Variants in SLC4A8 observed in about 807,000 individuals in gnomAD.
The protein encoded by SLC4A8 is solute carrier family 4 member 8, also known as electroneutral sodium bicarbonate exchanger 1.
A neutral mutation model predicts 125.0 loss-of-function variants in SLC4A8; 40 were observed. The ratio of observed to expected loss-of-function variants is 0.32; its 90% CI spans 0.25 to 0.42. The LOEUF (loss-of-function observed/expected upper bound fraction) is 0.42, where lower values mean the gene tolerates loss of function less well. SLC4A8 is among the 10% of genes least tolerant of loss of function. SLC4A8 has a pLI of 1.00. For synonymous variants in SLC4A8, 456 were observed against 476.0 expected, an observed-to-expected ratio of 0.96 and a Z score of 0.55; for missense variants, 863 against 1,355.1, an observed-to-expected ratio of 0.64 and a Z score of 5.70.
At chr12:51,478,209 A>G (rs919593886) in intron 16 of SLC4A8, among the ~76,000 whole-genome samples, 6 of 150,954 alleles carry the variant, frequency 4.0e-5, no homozygotes, top group Non-Finnish European at 1.5e-5. Flanking sequence ...TGAGAGGCGG[A>G]GGTTGCAGTG....
At chr12:51,432,134 C>T (rs914180045) in intron 1 of SLC4A8, among the ~76,000 whole-genome samples, 55 of 152,054 alleles carry the variant, frequency 3.6e-4, no homozygotes, top group African/African-American at 1.2e-3. Flanking sequence ...ATGGGCCAGG[C>T]GCGGTGGCTC....
chr12:51,500,725 C>T (rs1188578604), intron 22 of SLC4A8, among the ~76,000 whole-genome samples: 2 of 151,434 alleles, frequency 1.3e-5, no homozygotes, highest in Admixed American at 6.6e-5. Context: ...CTCGCTCTTT[C>T]GCCCAGGCTG....
At position 51,463,599 on chromosome 12, in the gene SLC4A8, GTCT is replaced by G. The variant is rs1361835647; in HGVS notation, c.1249-11_1249-9del. The stretch of plus-strand genomic sequence containing the variant: ...AGATGTTACCTTTACTAATTTTGTG[GTCT>G]TCTGTTAAAAGGAGAAAAGGAAAAT... On this transcript the variant is annotated splice_polypyrimidine_tract_variant and intron_variant, in intron 10 of 24. Coordinates refer to ENST00000453097, the MANE Select transcript of SLC4A8 (RefSeq NM_001039960.3). 3.8e-6 allele frequency: 6 copies of G among 1,587,414 alleles called. No homozygotes were observed. The highest frequency in any genetic ancestry group is 5.2e-6 in the Non-Finnish European group (6 of 1,155,876).
chr12:51,499,298 A>G (rs947662422), intron 22 of SLC4A8, among the ~76,000 whole-genome samples: 2 of 152,198 alleles, frequency 1.3e-5, no homozygotes, highest in Non-Finnish European at 2.9e-5. Flanking sequence ...TTTTACTAAA[A>G]CATATACATA....
chr12:51,464,336 A>G (rs1448068105), intron 11 of SLC4A8, among the ~76,000 whole-genome samples: 1 of 152,212 alleles, frequency 6.6e-6, no homozygotes, highest in African/African-American at 2.4e-5. Context: ...ACTAGGTATG[A>G]TAAATGTTGA....
chr12:51,466,884 C>T (rs1950534459), intron 11 of SLC4A8, among the ~76,000 whole-genome samples: 1 of 152,040 alleles, frequency 6.6e-6, no homozygotes, highest in Non-Finnish European at 1.5e-5. Flanking sequence ...ACAGACACTC[C>T]TGTCCTCCTG....
At chr12:51,492,621 T>C (rs1039007728) in intron 19 of SLC4A8, among the ~76,000 whole-genome samples, 7 of 152,246 alleles carry the variant, frequency 4.6e-5, no homozygotes, top group African/African-American at 1.4e-4. Context: ...AATTGGAATG[T>C]CTAATCACTC....
chr12:51,406,690 C>T (rs913748920), intron 1 of SLC4A8, among the ~76,000 whole-genome samples: 2 of 152,180 alleles, frequency 1.3e-5, no homozygotes, highest in Non-Finnish European at 2.9e-5. Context: ...AATAACATGC[C>T]CCTGTTAGTC....
intron 1 of SLC4A8, among the ~76,000 whole-genome samples, chr12:51,400,773 TATATACATACATACACAC>T (rs1267467236): frequency 8.9e-4 from 4 of 4,480 alleles, no homozygotes; most frequent in South Asian, 0.012. Context: ...TATATATATA[TATATACATACATACACAC>T]ACACACACAC....
chr12:51,403,154 A>G (rs554436639), intron 1 of SLC4A8: 210 of 218,020 alleles, frequency 9.6e-4, no homozygotes, highest in Admixed American at 1.1e-3. Context: ...AACATAATAA[A>G]TGCTCTATGT....
At chr12:51,490,663 G>A (rs1951288590) in intron 19 of SLC4A8, among the ~76,000 whole-genome samples, 1 of 151,982 alleles carries the variant, frequency 6.6e-6, no homozygotes, top group Non-Finnish European at 1.5e-5. Flanking sequence ...AGGCCCTTAG[G>A]TGGGAAAGAG....
chr12:51,443,113 A>G (rs542282741), intron 2 of SLC4A8, among the ~76,000 whole-genome samples: 5 of 151,996 alleles, frequency 3.3e-5, no homozygotes, highest in Non-Finnish European at 7.4e-5. Context: ...CAAGAATATG[A>G]GTTTTTTGTT....
chr12:51,396,670 C>T (rs1048099947), intron 1 of SLC4A8, among the ~76,000 whole-genome samples: 3 of 72,534 alleles, frequency 4.1e-5, no homozygotes, highest in African/African-American at 1.6e-4. Flanking sequence ...TAGTGAGACC[C>T]CATCTTTATT....
intron 21 of SLC4A8, among the ~76,000 whole-genome samples, chr12:51,495,542 C>G (rs2089439): frequency 0.39 from 52,242 of 134,784 alleles, 10,390 homozygotes; most frequent in Middle Eastern, 0.54. Context: ...ATGGCATGAT[C>G]TCGGCTCACT....
intron 1 of SLC4A8, among the ~76,000 whole-genome samples, chr12:51,431,600 T>C (rs963314176): frequency 2.0e-5 from 3 of 150,684 alleles, no homozygotes; most frequent in African/African-American, 7.3e-5. Context: ...TGAGTCCTTG[T>C]GGAATTTTTT....
At chr12:51,499,212 G>T (rs916215470) in intron 22 of SLC4A8, among the ~76,000 whole-genome samples, 3 of 152,054 alleles carry the variant, frequency 2.0e-5, no homozygotes, top group African/African-American at 7.2e-5. Context: ...ATATGTGGAC[G>T]TGTTTCTGAC....
intron 1 of SLC4A8, among the ~76,000 whole-genome samples, chr12:51,416,846 G>C (rs1316260297): frequency 2.0e-5 from 3 of 152,090 alleles, no homozygotes; most frequent in African/African-American, 7.2e-5. Flanking sequence ...CATCTCCTAA[G>C]AGTAAGAACT....
rs116095646 is a variant in SLC4A8 at position 51,501,348 on chromosome 12, A to G, written c.3082-2681A>G. Among the ~76,000 whole-genome samples, 764 of 152,044 alleles carry G rather than the reference A, an allele frequency of 5.0e-3. 6 individuals carry two copies. The highest frequency in any genetic ancestry group is 0.017 in the African/African-American group (719 of 41,496). On this transcript the variant is annotated intron_variant, in intron 22 of 24. Transcript: ENST00000453097. ...GGAGTCCCCAGTGTTTTTTGTTCCCATCTTTGTGTCCATGTGTACCCAATG... is the reference window on the plus strand; with the variant it reads ...GGAGTCCCCAGTGTTTTTTGTTCCCGTCTTTGTGTCCATGTGTACCCAATG...
chr12:51,482,949 C>T (rs1325015238), intron 16 of SLC4A8, among the ~76,000 whole-genome samples: 1 of 152,178 alleles, frequency 6.6e-6, no homozygotes, highest in Non-Finnish European at 1.5e-5. Context: ...TCAGCTTTGC[C>T]TGGGAGCTGC....
Sources: allele counts gnomAD v4.1 joint callset (sites outside exome capture counted in the v4.1 genomes callset), GRCh38; gene constraint gnomAD v4.1.1; transcripts MANE v1.5; gene names NCBI Gene and HGNC (gene_info 2026-07-23, HGNC 2026-07-21).